The following ASNS variants were observed in gnomAD, a reference collection of about 807,000 sequenced individuals.
ASNS encodes asparagine synthetase [glutamine-hydrolyzing].
ASNS carries 37 observed loss-of-function variants against 62.6 expected under a neutral mutation model. That is an observed-to-expected ratio of 0.59 (90% CI 0.45 to 0.78). The LOEUF (loss-of-function observed/expected upper bound fraction) is 0.78. Among genes scored for constraint, ASNS ranks in the 30% least tolerant of loss-of-function variants. ASNS has a pLI of 0.00. For synonymous variants in ASNS, 207 were observed against 237.9 expected (o/e 0.87, Z 1.19); for missense variants, 520 against 682.4 (o/e 0.76, Z 2.65).
the ASNS span, among the ~76,000 whole-genome samples, chr7:97,917,462 C>A: frequency 6.6e-6 from 1 of 152,312 alleles, no homozygotes; most frequent in East Asian, 1.9e-4. Context: ...CAGAGGGTCA[C>A]CTGGCATCCA....
chr7:97,890,870 GCAAAAGAACAATATCTAC>G, the ASNS span, among the ~76,000 whole-genome samples: 34 of 152,302 alleles, frequency 2.2e-4, no homozygotes, highest in South Asian at 4.4e-3. Flanking sequence ...ACATTGGGAA[GCAAAAGAACAATATCTAC>G]CATCATGAAA....
chr7:97,889,945 A>C, the ASNS span, among the ~76,000 whole-genome samples: 6 of 148,816 alleles, frequency 4.0e-5, no homozygotes, highest in African/African-American at 1.5e-4. Flanking sequence ...AAAAAAAAAA[A>C]AAAAAACCAA....
the ASNS span, among the ~76,000 whole-genome samples, chr7:97,898,170 C>G: frequency 6.6e-6 from 1 of 152,126 alleles, no homozygotes; most frequent in East Asian, 1.9e-4. Context: ...TCTTGGCTCA[C>G]TGCAACCTCT....
the ASNS span, among the ~76,000 whole-genome samples, chr7:97,890,501 G>T: frequency 1.3e-5 from 2 of 151,878 alleles, no homozygotes; most frequent in Non-Finnish European, 2.9e-5. Flanking sequence ...AACCTTACAG[G>T]CTAGGAGAAA....
the ASNS span, among the ~76,000 whole-genome samples, chr7:97,889,480 G>A: frequency 2.0e-5 from 3 of 152,094 alleles, no homozygotes; most frequent in Non-Finnish European, 4.4e-5. Flanking sequence ...TTGTGCCACT[G>A]CACTCCAGCC....
At chr7:97,882,111 C>T in the ASNS span, among the ~76,000 whole-genome samples, 1 of 152,066 alleles carries the variant, frequency 6.6e-6, no homozygotes, top group Admixed American at 6.6e-5. Flanking sequence ...CTCAGCCTCC[C>T]AAAGTACTGG....
chr7:97,855,212 C>A (rs1791376449), intron 9 of ASNS, 141 bp downstream of exon 9: 1 of 587,720 alleles, frequency 1.7e-6, no homozygotes, highest in Admixed American at 3.1e-5. Context: ...AGATAGAAAG[C>A]AAACACTATC....
At chr7:97,903,964 G>T in the ASNS span, among the ~76,000 whole-genome samples, 1 of 152,062 alleles carries the variant, frequency 6.6e-6, no homozygotes, top group African/African-American at 2.4e-5. Context: ...GCAGTAAAAG[G>T]GGGGTTCTGC....
chr7:97,924,048 C>A, the ASNS span, among the ~76,000 whole-genome samples: 21 of 152,170 alleles, frequency 1.4e-4, no homozygotes, highest in African/African-American at 4.8e-4. Flanking sequence ...GTCTTTCCAA[C>A]TGAGAAACAC....
rs181795423 is a variant in ASNS at position 97,872,042 on chromosome 7, G to T, written c.-60+309C>A. The T allele has an allele frequency of 1.4e-3, 207 of 152,410 alleles. 2 individuals carry two copies. In the South Asian group the frequency reaches 0.033, roughly 25 times the overall value. The allele number at this position is 152,410 out of a possible 1,614,324, so 9.4% of individuals were successfully genotyped here. On this transcript the variant is annotated intron_variant, in intron 1 of 12. Transcript: ENST00000394308. ...AAAAAGTACACATATAACATTTACAGGGGCTCAAACTGCCGCTGCCTCCTC... is the reference window on the plus strand; with the variant it reads ...AAAAAGTACACATATAACATTTACATGGGCTCAAACTGCCGCTGCCTCCTC...
At chr7:97,868,758 AG>A in intron 3 of ASNS, 149 bp downstream of exon 3, 7 of 1,117,034 alleles carry the variant, frequency 6.3e-6, no homozygotes, top group Non-Finnish European at 8.8e-6. Context: ...TTTATTCATC[AG>A]TTCCCTATTT....
At chr7:97,906,558 A>T in the ASNS span, 64 of 160,256 alleles carry the variant, frequency 4.0e-4, 2 homozygotes, top group East Asian at 0.012. Flanking sequence ...ACACAGTGAA[A>T]TCCAAACTCC....
the ASNS span, among the ~76,000 whole-genome samples, chr7:97,907,120 T>C: frequency 1.3e-5 from 2 of 152,200 alleles, no homozygotes; most frequent in South Asian, 4.1e-4. Context: ...AACCATCATG[T>C]CTTGCTTCTA....
rs941163299 is a variant in ASNS, at chr7:97,869,171, A to G, written c.-15T>C. On this transcript the variant is annotated 5_prime_UTR_variant, in exon 3 of 13. Coordinates refer to ENST00000394308, the MANE Select transcript of ASNS (RefSeq NM_001673.5). The stretch of plus-strand genomic sequence containing the variant: ...ATGCCACACATGGTGCAATGAAGCT[A>G]TAAGCTTTCTATGGAGAGAAAAGCA... 1.2e-6 allele frequency: 2 copies of G among 1,611,126 alleles called. No homozygotes were observed. The highest frequency in any genetic ancestry group is 3.3e-5 in the Admixed American group (2 of 59,940).
At chr7:97,886,685 G>T in the ASNS span, among the ~76,000 whole-genome samples, 1 of 152,104 alleles carries the variant, frequency 6.6e-6, no homozygotes, top group Non-Finnish European at 1.5e-5. Flanking sequence ...AAGACGTGGG[G>T]CTGCCAAATG....
intron 7 of ASNS, among the ~76,000 whole-genome samples, chr7:97,857,140 C>T (rs1236843816): frequency 1.3e-5 from 2 of 152,246 alleles, no homozygotes; most frequent in South Asian, 2.1e-4. Context: ...CATGGTCCCA[C>T]GCTAAGCTTG....
At chr7:97,893,693 A>T in the ASNS span, among the ~76,000 whole-genome samples, 1 of 152,280 alleles carries the variant, frequency 6.6e-6, no homozygotes, top group African/African-American at 2.4e-5. Context: ...CCAAATATGC[A>T]TGCAACCAAC....
chr7:97,852,595 C>T, intron 12 of ASNS, 127 bp from the exon 13 acceptor site: 1 of 908,524 alleles, frequency 1.1e-6, no homozygotes, highest in Non-Finnish European at 1.7e-6. Context: ...TTTGAATCAC[C>T]CATCACTTAG....
intron 8 of ASNS, 124 bp from the exon 9 acceptor site, chr7:97,855,583 G>A: frequency 1.8e-6 from 1 of 571,376 alleles, no homozygotes. Flanking sequence ...TTAATATAAA[G>A]TAGTTTCCAC....
Sources: gnomAD v4.1 joint callset for allele counts (sites outside exome capture counted in the v4.1 genomes callset) on GRCh38, gnomAD v4.1.1 for gene constraint, MANE v1.5 for transcripts, NCBI Gene and HGNC (gene_info 2026-07-23, HGNC 2026-07-21) for gene names.